SAXO1: variants seen among roughly 807,000 people sequenced by gnomAD.
SAXO1 encodes 4930500O09Rik.
A neutral mutation model predicts 17.5 loss-of-function variants in SAXO1; 21 were observed. The observed-to-expected ratio is 1.20, with a 90% CI of 0.85 to 1.72. The LOEUF is 1.72. SAXO1 is among the 40% of genes most tolerant of loss of function. The pLI, the probability that SAXO1 is intolerant of heterozygous loss-of-function variation, is 0.00. For synonymous variants in SAXO1, 274 were observed against 216.5 expected (o/e 1.27, Z -2.33); for missense variants, 843 against 596.0 (o/e 1.41, Z -4.32).
intron 1 of SAXO1, chr9:19,027,890 G>C: frequency 7.3e-7 from 1 of 1,363,454 alleles, no homozygotes; most frequent in South Asian, 1.2e-5. Context: ...CCGCAAGATC[G>C]AGTGCCTGGG....
At chr9:18,934,469 AT>A (rs1831201758) in intron 3 of SAXO1, among the ~76,000 whole-genome samples, 1 of 152,006 alleles carries the variant, frequency 6.6e-6, no homozygotes, top group Non-Finnish European at 1.5e-5. Context: ...CGAATTTTTT[AT>A]TTTAGTTATT....
At chr9:18,930,189 A>C (rs1292556444) in intron 3 of SAXO1, among the ~76,000 whole-genome samples, 2 of 152,218 alleles carry the variant, frequency 1.3e-5, no homozygotes, top group Non-Finnish European at 2.9e-5. Flanking sequence ...GAAGATTTTC[A>C]GGAGGAAAAG....
At chr9:19,048,010 C>T (rs975632691) in intron 1 of SAXO1, among the ~76,000 whole-genome samples, 1 of 152,148 alleles carries the variant, frequency 6.6e-6, no homozygotes, top group Non-Finnish European at 1.5e-5. Flanking sequence ...TTTCCACATA[C>T]TATATTGTAT....
At chr9:18,944,643 T>C (rs952421641) in intron 2 of SAXO1, among the ~76,000 whole-genome samples, 1 of 152,212 alleles carries the variant, frequency 6.6e-6, no homozygotes, top group Non-Finnish European at 1.5e-5. Context: ...GGCCAAGAGT[T>C]AAACTCAGAG....
intron 1 of SAXO1, among the ~76,000 whole-genome samples, chr9:19,021,547 T>A (rs562893590): frequency 6.6e-6 from 1 of 152,166 alleles, no homozygotes; most frequent in African/African-American, 2.4e-5. Flanking sequence ...AACACCGCTA[T>A]AGATGATGGG....
At chr9:18,940,705 G>A (rs1289022513) in intron 3 of SAXO1, among the ~76,000 whole-genome samples, 1 of 152,198 alleles carries the variant, frequency 6.6e-6, no homozygotes, top group African/African-American at 2.4e-5. Context: ...CCAGTCTCAT[G>A]GTCTCAGTCT....
intron 1 of SAXO1, among the ~76,000 whole-genome samples, chr9:19,020,498 C>A (rs376861425): frequency 6.6e-6 from 1 of 152,040 alleles, no homozygotes; most frequent in South Asian, 2.1e-4. Flanking sequence ...ACTACAGGCA[C>A]GCACCACCAT....
intron 1 of SAXO1, among the ~76,000 whole-genome samples, chr9:19,002,929 A>G (rs1048317538): frequency 1.3e-5 from 2 of 152,232 alleles, no homozygotes; most frequent in Admixed American, 6.5e-5. Flanking sequence ...AAGGTATTCA[A>G]TTAAGCAAAG....
At chr9:19,036,245 A>G (rs1045668602), upstream of SAXO1, among the ~76,000 whole-genome samples, 3 of 118,696 alleles carry the variant, frequency 2.5e-5, no homozygotes, top group Non-Finnish European at 3.4e-5. Context: ...CCCAGAACTT[A>G]AAGTATAATA....
intron 1 of SAXO1, among the ~76,000 whole-genome samples, chr9:18,991,089 C>T (rs1458875100): frequency 6.6e-6 from 1 of 152,140 alleles, no homozygotes; most frequent in Non-Finnish European, 1.5e-5. Context: ...GAAACCCTGT[C>T]TCTACCAAAA....
chr9:18,967,899 G>C (rs548284380), intron 1 of SAXO1, among the ~76,000 whole-genome samples: 1 of 152,188 alleles, frequency 6.6e-6, no homozygotes, highest in African/African-American at 2.4e-5. Context: ...GGAATCTCCT[G>C]GTCTGCAGGT....
At chr9:18,965,356 A>G (rs946513549) in intron 1 of SAXO1, among the ~76,000 whole-genome samples, 1 of 152,176 alleles carries the variant, frequency 6.6e-6, no homozygotes, top group African/African-American at 2.4e-5. Flanking sequence ...GGGGTGTTAA[A>G]GTCTTCCACT....
At chr9:19,004,882 T>C (rs1289629185) in intron 1 of SAXO1, among the ~76,000 whole-genome samples, 2 of 151,836 alleles carry the variant, frequency 1.3e-5, no homozygotes, top group African/African-American at 4.8e-5. Context: ...TAAAAAGAAA[T>C]GCAAATTTAA....
At chr9:18,946,494 C>G (rs1479810960) in intron 2 of SAXO1, among the ~76,000 whole-genome samples, 1 of 151,890 alleles carries the variant, frequency 6.6e-6, no homozygotes, top group African/African-American at 2.4e-5. Flanking sequence ...ACCCAAGACA[C>G]AGAGTTTGCA....
chr9:19,025,545 A>T (rs1426169003), intron 1 of SAXO1, among the ~76,000 whole-genome samples: 1 of 152,216 alleles, frequency 6.6e-6, no homozygotes, highest in Non-Finnish European at 1.5e-5. Flanking sequence ...ACCTTCCTCC[A>T]CAAGCTCTGT....
intron 1 of SAXO1, among the ~76,000 whole-genome samples, chr9:18,995,299 G>A (rs976122320): frequency 1.3e-5 from 2 of 152,118 alleles, no homozygotes; most frequent in Admixed American, 1.3e-4. Context: ...TCTCTCTCAG[G>A]CTGAAGCTGG....
intron 3 of SAXO1, 86 bp downstream of exon 3, chr9:18,941,550 AC>A: frequency 6.7e-7 from 1 of 1,482,658 alleles, no homozygotes; most frequent in Non-Finnish European, 9.3e-7. Context: ...TCTTGCACTA[AC>A]TGAGTATGCA....
intron 1 of SAXO1, among the ~76,000 whole-genome samples, chr9:18,989,998 A>G (rs1194433214): frequency 2.6e-5 from 4 of 152,194 alleles, no homozygotes; most frequent in African/African-American, 9.7e-5. Context: ...TGAACCATAA[A>G]ACTGCCTCTT....
intron 1 of SAXO1, among the ~76,000 whole-genome samples, chr9:19,016,343 G>A (rs1055247479): frequency 1.3e-5 from 2 of 152,218 alleles, no homozygotes; most frequent in Non-Finnish European, 2.9e-5. Flanking sequence ...GGCTGAGGCA[G>A]AAGAATCGCT....
Sources: allele counts gnomAD v4.1 joint callset (sites outside exome capture counted in the v4.1 genomes callset), GRCh38; gene constraint gnomAD v4.1.1; transcripts MANE v1.5; gene names NCBI Gene and HGNC (gene_info 2026-07-23, HGNC 2026-07-21).